The following ITGB5 variants were observed in gnomAD, a reference collection of about 807,000 sequenced individuals.
ITGB5 encodes integrin subunit beta 5.
In ITGB5, 38 loss-of-function variants were observed where a neutral mutation model predicts 84.8. The ratio of observed to expected loss-of-function variants is 0.45; its 90% CI spans 0.35 to 0.59. The LOEUF (loss-of-function observed/expected upper bound fraction) is 0.59. Among genes scored for constraint, ITGB5 ranks in the 20% least tolerant of loss-of-function variants. The pLI is 0.01. For missense variants in ITGB5, 905 were observed against 1,034.5 expected (o/e 0.87, Z 1.72); for synonymous variants, 393 against 414.4 (o/e 0.95, Z 0.63).
At chr3:124,870,982 C>T (rs568912064) in intron 2 of ITGB5, among the ~76,000 whole-genome samples, 24 of 152,090 alleles carry the variant, frequency 1.6e-4, no homozygotes, top group Non-Finnish European at 2.5e-4. Context: ...CTCCTCCTCC[C>T]GGGCTCAAGT....
At chr3:124,856,012 A>G (rs1450086470) in intron 3 of ITGB5, among the ~76,000 whole-genome samples, 16 of 152,048 alleles carry the variant, frequency 1.1e-4, no homozygotes, top group Admixed American at 9.2e-4. Flanking sequence ...ATCTTCATCT[A>G]GACTGGAGCC....
rs2064175693 is a variant in ITGB5 at position 124,793,287 on chromosome 3, T to C, written c.1693+3101A>G. Among the ~76,000 whole-genome samples, 4 of 152,260 alleles carry C rather than the reference T, an allele frequency of 2.6e-5. No homozygotes were observed. The South Asian group carries it at 8.3e-4, about 32-fold the overall frequency. ...CACGCAGGCTTCTAGGGTGAAGACA[T>C]ACCAGAGGGTTATTTCAGGATCCTG... On this transcript the variant is annotated intron_variant, in intron 10 of 14. Transcript: ENST00000296181.
rs143339481 is a variant in ITGB5 at position 124,786,612 on chromosome 3, G to A, written c.1693+9776C>T. Among the ~76,000 whole-genome samples, 93 of 152,244 alleles carry A rather than the reference G, an allele frequency of 6.1e-4. 2 individuals are homozygous for A. The East Asian group carries it at 0.014, about 24-fold the overall frequency. ...TCTGGGTCAGAGAACAACAGTCAGAGCCCAGGAGGGAGCCCTGGAAAGAGG... is the reference window on the plus strand; with the variant it reads ...TCTGGGTCAGAGAACAACAGTCAGAACCCAGGAGGGAGCCCTGGAAAGAGG... On this transcript the variant is annotated intron_variant, in intron 10 of 14. Coordinates refer to ENST00000296181, the MANE Select transcript of ITGB5 (RefSeq NM_002213.5).
intron 12 of ITGB5, among the ~76,000 whole-genome samples, chr3:124,767,980 G>T (rs938904422): frequency 3.3e-5 from 5 of 152,152 alleles, no homozygotes; most frequent in Admixed American, 6.5e-5. Flanking sequence ...GAGGAAAGAG[G>T]TTTGCCTGAG....
upstream of ITGB5, among the ~76,000 whole-genome samples, chr3:124,889,645 G>A (rs1242473924): frequency 6.6e-6 from 1 of 152,114 alleles, no homozygotes; most frequent in African/African-American, 2.4e-5. Flanking sequence ...AGCTGTCCTG[G>A]GTTTATCTTG....
chr3:124,767,624 A>G (rs2063785644), intron 12 of ITGB5, among the ~76,000 whole-genome samples: 2 of 152,188 alleles, frequency 1.3e-5, no homozygotes, highest in African/African-American at 4.8e-5. Context: ...GAGGTCGGCC[A>G]GGCCCTGAGC....
At chr3:124,864,691 A>C (rs1031351607) in intron 2 of ITGB5, among the ~76,000 whole-genome samples, 3 of 152,122 alleles carry the variant, frequency 2.0e-5, no homozygotes, top group African/African-American at 7.2e-5. Context: ...CTTAGAGTGC[A>C]ATATACCCAT....
At chr3:124,896,194 C>G (rs927485997) in intron 1 of ITGB5, among the ~76,000 whole-genome samples, 1 of 152,172 alleles carries the variant, frequency 6.6e-6, no homozygotes, top group African/African-American at 2.4e-5. Flanking sequence ...TCCCAAGAGG[C>G]CTCCATCAGC....
Position 124,762,125 on chromosome 3 carries a change from C to T in ITGB5, c.*1498G>A, listed in dbSNP as rs560397621. 1.3e-5 allele frequency: 2 copies of T among 152,302 alleles called. No homozygotes were observed. Among genetic ancestry groups the T allele is most frequent in the South Asian group, 4.1e-4 (2 of 4,826 alleles). The allele number at this position is 152,302 out of a possible 1,614,324, so 9.4% of individuals were successfully genotyped here. Reference sequence around the variant, plus strand: ...CAAGATGAAGGAAACTCAATCTGTTCGTATTTGCCCCAGGTAATAGGTTCT... The same window carrying T: ...CAAGATGAAGGAAACTCAATCTGTTTGTATTTGCCCCAGGTAATAGGTTCT... On this transcript the variant is annotated 3_prime_UTR_variant, in exon 15 of 15. Coordinates refer to ENST00000296181, the MANE Select transcript of ITGB5 (RefSeq NM_002213.5).
At chr3:124,828,998 T>C (rs566219774) in intron 5 of ITGB5, among the ~76,000 whole-genome samples, 1 of 152,334 alleles carries the variant, frequency 6.6e-6, no homozygotes, top group African/African-American at 2.4e-5. Context: ...TTAAAGAAGA[T>C]GATACACATT....
chr3:124,812,705 A>G (rs2064524029), intron 8 of ITGB5, among the ~76,000 whole-genome samples: 1 of 152,214 alleles, frequency 6.6e-6, no homozygotes, highest in Admixed American at 6.5e-5. Context: ...CACAGTGAAG[A>G]ATTTGGCACA....
At chr3:124,781,943 G>A (rs564470796) in intron 10 of ITGB5, among the ~76,000 whole-genome samples, 3 of 152,208 alleles carry the variant, frequency 2.0e-5, no homozygotes, top group African/African-American at 4.8e-5. Flanking sequence ...ACCAGTAGGA[G>A]AGGAATAGTG....
chr3:124,773,762 C>T lies in ITGB5; in HGVS notation c.1844G>A (p.Cys615Tyr). Residue 615 changes from cysteine to tyrosine, a missense_variant, in exon 11 of 15, where the codon TGC (cysteine) becomes TAC (tyrosine). By Grantham distance (194) the Cys-to-Tyr change is radical (BLOSUM62 -2). Coordinates refer to ENST00000296181, the MANE Select transcript of ITGB5 (RefSeq NM_002213.5). ...RGHCLCGQCQ[C>Y]TEPGAFGEMC... ...CTCCCCAAAGGCCCCCGGCTCCGTG[C>T]ATTGGCACTGCCCACAGAGACAGTG... 6.2e-7 allele frequency: 1 copy of T among 1,613,368 alleles called. No individual in the cohort carries two copies. The highest frequency in any genetic ancestry group is 8.5e-7 in the Non-Finnish European group (1 of 1,180,048).
chr3:124,844,227 A>G (rs61038712), intron 4 of ITGB5, among the ~76,000 whole-genome samples: 1,637 of 138,774 alleles, frequency 0.012, 37 homozygotes, highest in African/African-American at 0.041. Context: ...AAAAAAAAAA[A>G]AAAAAGAAAA....
chr3:124,887,018 A>T lies in ITGB5; in HGVS notation c.-18T>A. The T allele has an allele frequency of 8.7e-7, 1 of 1,145,214 alleles. No homozygotes were observed. Among genetic ancestry groups the T allele is most frequent in the Non-Finnish European group, 1.1e-6 (1 of 931,746 alleles). The allele number at this position is 1,145,214 out of a possible 1,614,324, so 70.9% of individuals were successfully genotyped here. A position where few individuals can be genotyped will look rare whatever the true frequency, so the allele number is the denominator to read the frequency against. The stretch of plus-strand genomic sequence containing the variant: ...CGCGGCATGGTGGGGCGCCTCCCTC[A>T]GCGGCGGCGCGGTCGCTGCACTCCG... On this transcript the variant is annotated 5_prime_UTR_variant, in exon 1 of 15. It removes the in-frame stop codon of an upstream open reading frame in the 5' UTR. Coordinates refer to ENST00000296181, the MANE Select transcript of ITGB5 (RefSeq NM_002213.5).
intron 2 of ITGB5, among the ~76,000 whole-genome samples, chr3:124,864,328 G>T (rs112624138): frequency 1.3e-5 from 2 of 151,894 alleles, no homozygotes; most frequent in Non-Finnish European, 2.9e-5. Flanking sequence ...GAATAGTCTC[G>T]ATCTCCTGAC....
upstream of ITGB5, among the ~76,000 whole-genome samples, chr3:124,889,406 A>G (rs148078531): frequency 4.6e-5 from 7 of 152,316 alleles, no homozygotes; most frequent in East Asian, 9.7e-4. Flanking sequence ...CGTCTTACAC[A>G]TATTGATTGA....
intron 10 of ITGB5, among the ~76,000 whole-genome samples, chr3:124,794,323 C>T (rs1487033744): frequency 6.6e-6 from 1 of 152,200 alleles, no homozygotes; most frequent in Non-Finnish European, 1.5e-5. Context: ...TCAGTGTAAA[C>T]TCCTGTGTTT....
chr3:124,808,474 G>T (rs1195948217), intron 9 of ITGB5, among the ~76,000 whole-genome samples: 8 of 152,278 alleles, frequency 5.3e-5, no homozygotes, highest in Non-Finnish European at 1.2e-4. Context: ...CAAGTCCTTG[G>T]TTTAGCGCAG....
Sources: gnomAD v4.1 joint callset for allele counts (sites outside exome capture counted in the v4.1 genomes callset) on GRCh38, gnomAD v4.1.1 for gene constraint, MANE v1.5 for transcripts, NCBI Gene and HGNC (gene_info 2026-07-23, HGNC 2026-07-21) for gene names.